Variants in SIPA1L3 observed in about 807,000 individuals in gnomAD.
The protein encoded by SIPA1L3 is signal induced proliferation associated 1 like 3.
Under a neutral mutation model 150.1 loss-of-function variants are expected in SIPA1L3, and 59 were observed. The ratio of observed to expected loss-of-function variants is 0.39; its 90% CI spans 0.32 to 0.49. SIPA1L3 has a LOEUF of 0.49. Ranked by LOEUF, SIPA1L3 falls within the 20% of genes least tolerant of loss-of-function variation. SIPA1L3 has a pLI of 0.86. For synonymous variants in SIPA1L3, 1,070 were observed against 1,077.6 expected (o/e 0.99, Z 0.14); for missense variants, 2,211 against 2,489.5 (o/e 0.89, Z 2.38).
chr19:38,141,799 G>A (rs1324234564), intron 11 of SIPA1L3, among the ~76,000 whole-genome samples: 1 of 152,154 alleles, frequency 6.6e-6, no homozygotes, highest in East Asian at 1.9e-4. Flanking sequence ...GGGCAACATA[G>A]CAGAACCCTG....
intron 1 of SIPA1L3, among the ~76,000 whole-genome samples, chr19:38,016,866 T>A (rs1485988010): frequency 2.0e-5 from 3 of 150,918 alleles, no homozygotes; most frequent in Non-Finnish European, 4.4e-5. Context: ...ACCAGATACT[T>A]CTTTTTCTGC....
At chr19:37,916,225 C>A (rs139794365) in intron 1 of SIPA1L3, among the ~76,000 whole-genome samples, 3,261 of 151,918 alleles carry the variant, frequency 0.021, 123 homozygotes, top group African/African-American at 0.074. Context: ...TGGGGTTTTA[C>A]CATGTTGGCC....
Position 38,141,284 on chromosome 19 carries a change from T to G in SIPA1L3, c.3244T>G (p.Trp1082Gly), listed in dbSNP as rs779048836. 4 of 1,613,842 alleles carry G rather than the reference T, an allele frequency of 2.5e-6. No individual in the cohort carries two copies. The highest frequency in any genetic ancestry group is 3.4e-6 in the Non-Finnish European group (4 of 1,179,936). Residue 1082 changes from tryptophan to glycine, a missense_variant, in exon 11 of 22, where the codon TGG (tryptophan) becomes GGG (glycine). By Grantham distance (184) the Trp-to-Gly change is radical. Coordinates refer to ENST00000222345, the MANE Select transcript of SIPA1L3 (RefSeq NM_015073.3). Reference protein sequence around the residue: ...GRPPYRSNAPWQWSGPASHNS... With the variant: ...GRPPYRSNAPGQWSGPASHNS... Reference sequence around the variant, plus strand: ...GCCCCCCTACCGCAGCAATGCTCCCTGGCAGTGGAGCGGGCCCGCATCCCA... The same window carrying G: ...GCCCCCCTACCGCAGCAATGCTCCCGGGCAGTGGAGCGGGCCCGCATCCCA...
At chr19:38,048,103 C>G (rs1249953084) in intron 2 of SIPA1L3, among the ~76,000 whole-genome samples, 2 of 152,152 alleles carry the variant, frequency 1.3e-5, no homozygotes. Context: ...CCTTCCTGTT[C>G]ATGCCTCTAA....
chr19:38,063,910 TC>T (rs780905416), intron 2 of SIPA1L3, among the ~76,000 whole-genome samples: 1 of 152,144 alleles, frequency 6.6e-6, no homozygotes, highest in Non-Finnish European at 1.5e-5. Context: ...GCCGGGGAGA[TC>T]CCTGCAGGGC....
intron 1 of SIPA1L3, among the ~76,000 whole-genome samples, chr19:37,985,017 G>C (rs1411765947): frequency 6.6e-6 from 1 of 152,178 alleles, no homozygotes; most frequent in Non-Finnish European, 1.5e-5. Context: ...GGAGTACAAG[G>C]TCTGGTGGAG....
intron 2 of SIPA1L3, among the ~76,000 whole-genome samples, chr19:38,031,029 A>G (rs1469926150): frequency 2.0e-5 from 3 of 152,264 alleles, no homozygotes; most frequent in Admixed American, 2.0e-4. Flanking sequence ...ACATTCCCTC[A>G]TCCTGGCAGT....
chr19:38,144,995 A>C (rs892920167), intron 12 of SIPA1L3, among the ~76,000 whole-genome samples: 1 of 152,184 alleles, frequency 6.6e-6, no homozygotes, highest in Non-Finnish European at 1.5e-5. Flanking sequence ...CAGGAGAATC[A>C]GAGAGGAATC....
At chr19:38,198,254 C>T in intron 18 of SIPA1L3, 135 bp from the exon 19 acceptor site, 1 of 1,067,094 alleles carries the variant, frequency 9.4e-7, no homozygotes. Flanking sequence ...GGCTCCAGCA[C>T]TCCCAGACCC....
intron 1 of SIPA1L3, among the ~76,000 whole-genome samples, chr19:37,913,747 C>T (rs1384728109): frequency 7.4e-5 from 11 of 148,948 alleles, no homozygotes; most frequent in African/African-American, 2.7e-4. Context: ...CTGGGCACAG[C>T]GGCTCACGCC....
intron 13 of SIPA1L3, among the ~76,000 whole-genome samples, chr19:38,159,032 A>G (rs1972014193): frequency 6.6e-6 from 1 of 152,216 alleles, no homozygotes; most frequent in Non-Finnish European, 1.5e-5. Flanking sequence ...TCCCAGAGTG[A>G]CTGCCCACCT....
intron 1 of SIPA1L3, among the ~76,000 whole-genome samples, chr19:37,927,115 CAG>C (rs1316065533): frequency 6.7e-6 from 1 of 148,654 alleles, no homozygotes; most frequent in Admixed American, 6.8e-5. Context: ...AAATAGTGAA[CAG>C]AGTACCCAAT....
chr19:37,997,695 C>T (rs547512253), intron 1 of SIPA1L3, among the ~76,000 whole-genome samples: 11 of 151,714 alleles, frequency 7.3e-5, no homozygotes, highest in Admixed American at 2.0e-4. Context: ...GGTGAAACCC[C>T]GTCTCTACTA....
At chr19:38,121,429 C>T (rs1051660269) in intron 9 of SIPA1L3, among the ~76,000 whole-genome samples, 1 of 151,450 alleles carries the variant, frequency 6.6e-6, no homozygotes, top group Non-Finnish European at 1.5e-5. Context: ...CAGTGCTAGA[C>T]TCTGTCTCAA....
chr19:38,146,846 C>T (rs1364211413), intron 12 of SIPA1L3, among the ~76,000 whole-genome samples: 2 of 152,068 alleles, frequency 1.3e-5, no homozygotes, highest in Non-Finnish European at 2.9e-5. Flanking sequence ...TCTTATTTGC[C>T]ACCCCTGTAT....
At chr19:38,045,362 A>G (rs1337015750) in intron 2 of SIPA1L3, among the ~76,000 whole-genome samples, 2 of 151,448 alleles carry the variant, frequency 1.3e-5, no homozygotes, top group African/African-American at 4.8e-5. Flanking sequence ...TGGGTGACAG[A>G]GTGAGACTCT....
At chr19:38,044,747 C>T (rs555607496) in intron 2 of SIPA1L3, among the ~76,000 whole-genome samples, 1 of 152,048 alleles carries the variant, frequency 6.6e-6, no homozygotes, top group Non-Finnish European at 1.5e-5. Flanking sequence ...TGGGGGTCGT[C>T]ACTGTGGAGT....
At chr19:38,188,228 C>G (rs1972731094) in intron 16 of SIPA1L3, among the ~76,000 whole-genome samples, 1 of 151,604 alleles carries the variant, frequency 6.6e-6, no homozygotes, top group Non-Finnish European at 1.5e-5. Flanking sequence ...CTCTGTTGCC[C>G]AAGCTGGAGC....
chr19:38,006,797 T>C (rs1020453955), intron 1 of SIPA1L3, among the ~76,000 whole-genome samples: 3 of 152,152 alleles, frequency 2.0e-5, no homozygotes, highest in Admixed American at 6.5e-5. Flanking sequence ...GCTCCACTTC[T>C]AGGAAGCTTC....
Sources: gnomAD v4.1 joint callset for allele counts (sites outside exome capture counted in the v4.1 genomes callset) on GRCh38, gnomAD v4.1.1 for gene constraint, MANE v1.5 for transcripts, NCBI Gene and HGNC (gene_info 2026-07-23, HGNC 2026-07-21) for gene names.